The following DOK5 variants were observed in gnomAD, a reference collection of about 807,000 sequenced individuals.
DOK5 encodes docking protein 5, also known as downstream of tyrosine kinase 5.
Under a neutral mutation model 43.3 loss-of-function variants are expected in DOK5, and 27 were observed. The ratio of observed to expected loss-of-function variants is 0.62; its 90% confidence interval spans 0.46 to 0.86. DOK5 has a LOEUF of 0.86. Among genes scored for constraint, DOK5 ranks in the 40% least tolerant of loss-of-function variants. The pLI, the probability that DOK5 is intolerant of heterozygous loss-of-function variation, is 0.00. For missense variants in DOK5, 373 were observed against 392.9 expected (o/e 0.95, Z 0.43); for synonymous variants, 146 against 140.1 (o/e 1.04, Z -0.30).
At chr20:54,476,092 G>T (rs1427093032) in intron 1 of DOK5, 80 bp downstream of exon 1, 7 of 1,588,758 alleles carry the variant, frequency 4.4e-6, no homozygotes, top group East Asian at 2.3e-5. Flanking sequence ...GAGGGTGGAC[G>T]GAGAGTCCCC....
chr20:54,490,115 T>C (rs910727077), intron 1 of DOK5, among the ~76,000 whole-genome samples: 9 of 152,226 alleles, frequency 5.9e-5, no homozygotes, highest in African/African-American at 2.2e-4. Context: ...TTAAGAGTAA[T>C]ATTTACTCAA....
intron 5 of DOK5, among the ~76,000 whole-genome samples, chr20:54,596,533 T>C (rs1429720108): frequency 6.6e-6 from 1 of 152,116 alleles, no homozygotes; most frequent in African/African-American, 2.4e-5. Context: ...GAACTGGAAG[T>C]TGGAGGAAAT....
chr20:54,580,223 C>G (rs1174809016), intron 2 of DOK5, among the ~76,000 whole-genome samples: 1 of 152,012 alleles, frequency 6.6e-6, no homozygotes, highest in African/African-American at 2.4e-5. Context: ...GAAGAGACAC[C>G]ACATTTTCTT....
chr20:54,571,239 C>G (rs941473307), intron 2 of DOK5, among the ~76,000 whole-genome samples: 1 of 152,124 alleles, frequency 6.6e-6, no homozygotes, highest in Admixed American at 6.5e-5. Flanking sequence ...TTTATTCTTA[C>G]CTAGGTGAAA....
intron 1 of DOK5, among the ~76,000 whole-genome samples, chr20:54,516,588 G>A (rs1367014808): frequency 6.6e-6 from 1 of 152,120 alleles, no homozygotes; most frequent in Non-Finnish European, 1.5e-5. Flanking sequence ...AAGTGCTCAT[G>A]CTCCCCAAAA....
chr20:54,507,494 T>A (rs570796020), intron 1 of DOK5, among the ~76,000 whole-genome samples: 1 of 152,376 alleles, frequency 6.6e-6, no homozygotes, highest in African/African-American at 2.4e-5. Context: ...TCTTTTCTAC[T>A]AAGGCATCAA....
At chr20:54,644,718 A>ACAAACAAAC (rs1555839807) in intron 7 of DOK5, among the ~76,000 whole-genome samples, 1 of 142,500 alleles carries the variant, frequency 7.0e-6, no homozygotes, top group African/African-American at 2.9e-5. Flanking sequence ...AAAAAAAAAA[A>ACAAACAAAC]AAAAAACAAA....
chr20:54,580,301 A>G (rs1985596188), intron 2 of DOK5, among the ~76,000 whole-genome samples: 1 of 152,208 alleles, frequency 6.6e-6, no homozygotes, highest in Non-Finnish European at 1.5e-5. Flanking sequence ...TAATGCTGCC[A>G]TAAACATGGA....
At chr20:54,647,324 G>A (rs541828872) in intron 7 of DOK5, among the ~76,000 whole-genome samples, 1 of 152,136 alleles carries the variant, frequency 6.6e-6, no homozygotes, top group Non-Finnish European at 1.5e-5. Context: ...GGCCAACATG[G>A]TGAAACCCCA....
chr20:54,643,925 C>A (rs1178672877), intron 7 of DOK5, among the ~76,000 whole-genome samples: 1 of 152,136 alleles, frequency 6.6e-6, no homozygotes, highest in Non-Finnish European at 1.5e-5. Flanking sequence ...GGGCCAGGGA[C>A]CAGGCTACAA....
intron 6 of DOK5, among the ~76,000 whole-genome samples, chr20:54,637,104 C>T (rs145155817): frequency 6.6e-6 from 1 of 152,256 alleles, no homozygotes; most frequent in Non-Finnish European, 1.5e-5. Context: ...GAAAAGAGAC[C>T]TGTAAGCCCA....
intron 1 of DOK5, among the ~76,000 whole-genome samples, chr20:54,503,183 T>G (rs897741481): frequency 6.6e-6 from 1 of 152,202 alleles, no homozygotes; most frequent in Non-Finnish European, 1.5e-5. Context: ...AATATATACC[T>G]CTGAAATAAT....
intron 1 of DOK5, among the ~76,000 whole-genome samples, chr20:54,498,503 A>G (rs1164444532): frequency 6.6e-6 from 1 of 152,164 alleles, no homozygotes; most frequent in East Asian, 1.9e-4. Context: ...TCAGTGAGAG[A>G]CTGTGGTCAG....
chr20:54,641,332 T>C (rs1033976128), intron 6 of DOK5, among the ~76,000 whole-genome samples: 5 of 152,146 alleles, frequency 3.3e-5, no homozygotes, highest in Non-Finnish European at 7.4e-5. Flanking sequence ...GAGTGAATAT[T>C]ATAATCTTTT....
intron 1 of DOK5, among the ~76,000 whole-genome samples, chr20:54,553,334 G>A (rs539710725): frequency 4.9e-4 from 74 of 152,048 alleles, no homozygotes; most frequent in Middle Eastern, 3.4e-3. Flanking sequence ...TAGCTGGGAC[G>A]GCAGGTGCCC....
intron 1 of DOK5, among the ~76,000 whole-genome samples, chr20:54,537,581 T>C (rs1983999974): frequency 6.6e-6 from 1 of 152,090 alleles, no homozygotes; most frequent in Non-Finnish European, 1.5e-5. Context: ...AACATCAGAA[T>C]AGAGAGAACA....
chr20:54,564,583 T>G (rs1489547658), intron 2 of DOK5, among the ~76,000 whole-genome samples: 1 of 152,012 alleles, frequency 6.6e-6, no homozygotes, highest in African/African-American at 2.4e-5. Flanking sequence ...TATGCCAGAA[T>G]GACAGGTTTC....
intron 1 of DOK5, among the ~76,000 whole-genome samples, chr20:54,489,631 T>A (rs902024211): frequency 6.6e-6 from 1 of 152,198 alleles, no homozygotes; most frequent in Admixed American, 6.5e-5. Flanking sequence ...GTAGGTGTTA[T>A]TTTATGCCCA....
At chr20:54,477,981 GT>G (rs1376152347) in intron 1 of DOK5, among the ~76,000 whole-genome samples, 5 of 152,170 alleles carry the variant, frequency 3.3e-5, no homozygotes, top group Non-Finnish European at 7.4e-5. Flanking sequence ...GAAATATTTA[GT>G]TTGTATTTGT....
Sources: gnomAD v4.1 joint callset for allele counts (sites outside exome capture counted in the v4.1 genomes callset) on GRCh38, gnomAD v4.1.1 for gene constraint, MANE v1.5 for transcripts, NCBI Gene and HGNC (gene_info 2026-07-23, HGNC 2026-07-21) for gene names.